RNF34: variants seen among roughly 807,000 people sequenced by gnomAD.
RNF34 encodes ring finger protein 34.
A neutral mutation model predicts 37.9 loss-of-function variants in RNF34; 12 were observed. The observed-to-expected ratio is 0.32, with a 90% CI of 0.20 to 0.51. The LOEUF is 0.51. Among genes scored for constraint, RNF34 ranks in the 20% least tolerant of loss-of-function variants. The probability of loss-of-function intolerance (pLI) is 0.97; values close to 1 mark genes in which losing one functional copy is unlikely to be tolerated. For missense variants in RNF34, 362 were observed against 472.7 expected, an observed-to-expected ratio of 0.77 and a Z score of 2.17; for synonymous variants, 155 against 177.2, an observed-to-expected ratio of 0.87 and a Z score of 1.00.
intron 3 of RNF34, chr12:121,418,130 A>G (rs1871747586): frequency 5.4e-6 from 3 of 557,960 alleles, no homozygotes; most frequent in African/African-American, 3.8e-5. Context: ...AAGGGTCCCA[A>G]AATAGCTCAT....
rs906685103 is a variant in RNF34, at chr12:121,417,172, A to T, written c.226-332A>T. Reference sequence around the variant, plus strand: ...ATTGTTCATGTAGGAAAAGACCAGGAAGTGTGATTCTGCTTTCTGCTCTGT... The same window carrying T: ...ATTGTTCATGTAGGAAAAGACCAGGTAGTGTGATTCTGCTTTCTGCTCTGT... On this transcript the variant is annotated intron_variant, in intron 2 of 5. Coordinates refer to ENST00000361234, the MANE Select transcript of RNF34 (RefSeq NM_025126.4). The surrounding 1 kb of genome is among the most constrained non-coding windows in gnomAD (Gnocchi z 5.0). Among the ~76,000 whole-genome samples, 1 of 152,212 alleles carries T rather than the reference A, an allele frequency of 6.6e-6. No individual in the cohort carries two copies. The highest frequency in any genetic ancestry group is 2.1e-4 in the South Asian group (1 of 4,832).
intron 2 of RNF34, 159 bp downstream of exon 2, chr12:121,416,536 G>A (rs1871590600): frequency 3.3e-6 from 2 of 600,362 alleles, no homozygotes; most frequent in East Asian, 2.8e-5. Flanking sequence ...TAATTGGAGG[G>A]ATTATATTAC....
At position 121,423,888 on chromosome 12, in the gene RNF34, CTG is replaced by C; in HGVS notation, c.*314_*315del. On this transcript the variant is annotated 3_prime_UTR_variant, in exon 6 of 6. Transcript: ENST00000361234. The surrounding 1 kb of genome is among the most constrained non-coding windows in gnomAD (Gnocchi z 4.3). Reference sequence around the variant, plus strand: ...CTGCTGTCTTGGGAGGACACTTATCCTGTTCTCTTATTTCCCCTTCATCCTAT... The same window carrying C: ...CTGCTGTCTTGGGAGGACACTTATCCTTCTCTTATTTCCCCTTCATCCTAT... 2 of 284,550 alleles carry C rather than the reference CTG, an allele frequency of 7.0e-6. No homozygotes were observed. The highest frequency in any genetic ancestry group is 1.3e-5 in the Non-Finnish European group (2 of 150,300). The allele number at this position is 284,550 out of a possible 1,614,324, so 17.6% of individuals were successfully genotyped here. A position where few individuals can be genotyped will look rare whatever the true frequency, so the allele number is the denominator to read the frequency against.
At chr12:121,401,091 G>C (rs1221439387) in intron 1 of RNF34, among the ~76,000 whole-genome samples, 1 of 152,034 alleles carries the variant, frequency 6.6e-6, no homozygotes, top group Non-Finnish European at 1.5e-5. Context: ...CTGGGGGTGG[G>C]TAATCTAGCA....
intron 3 of RNF34, among the ~76,000 whole-genome samples, chr12:121,419,580 G>A (rs1485933302): frequency 7.2e-6 from 1 of 139,478 alleles, no homozygotes; most frequent in East Asian, 2.1e-4. Context: ...GGCAATCAGG[G>A]TGGAATATTT....
At chr12:121,401,400 A>G (rs998401075) in intron 1 of RNF34, among the ~76,000 whole-genome samples, 4 of 151,144 alleles carry the variant, frequency 2.6e-5, no homozygotes, top group African/African-American at 9.7e-5. Context: ...CAGGAGCCAG[A>G]AAGGATACTT....
rs200116682 is a variant in RNF34, at chr12:121,417,549, G to A, written c.271G>A (p.Val91Ile). 1 of 1,614,144 alleles carries A rather than the reference G, an allele frequency of 6.2e-7. No homozygotes were observed. The highest frequency in any genetic ancestry group is 8.5e-7 in the Non-Finnish European group (1 of 1,179,990). Residue 91 changes from valine (V) to isoleucine (I), a missense_variant, in exon 3 of 6, where the codon GTC becomes ATC. Physicochemically the swap from Val to Ile is conservative, Grantham distance 29. Transcript: ENST00000361234. The surrounding 1 kb of genome is among the most constrained non-coding windows in gnomAD (Gnocchi z 5.0). Reference protein sequence around the residue: ...CKKDFCSVCSVLQENLRRCST... With the variant: ...CKKDFCSVCSILQENLRRCST... ...GAAGGATTTTTGCTCCGTTTGTTCA[G>A]TCTTACAAGAAAATCTCCGTAGATG...
Position 121,416,190 on chromosome 12 carries a change from G to A in RNF34, c.38G>A (p.Cys13Tyr), listed in dbSNP as rs781926683. The A allele has an allele frequency of 1.2e-6, 2 of 1,613,970 alleles. No homozygotes were observed. Among genetic ancestry groups the A allele is most frequent in the Non-Finnish European group, 1.7e-6 (2 of 1,180,022 alleles). ...GCCACGTCTATGTGGGCTTCGTGCTGTGGGCTGCTGAATGAAGTCATGGGA... is the reference window on the plus strand; with the variant it reads ...GCCACGTCTATGTGGGCTTCGTGCTATGGGCTGCTGAATGAAGTCATGGGA... The part of the protein sequence containing the change: ...AGATSMWASC[C>Y]GLLNEVMGTG... The change falls in exon 2 of 6, where the codon TGT (cysteine) becomes TAT (tyrosine). Residue 13 changes from cysteine to tyrosine, a missense_variant. Transcript: ENST00000361234.
rs564742373 is a variant in RNF34, at chr12:121,400,341, A to AG, written c.6+129dup. 2.9e-3 allele frequency: 3,486 copies of AG among 1,211,424 alleles called. 11 individuals are homozygous for AG. The highest frequency in any genetic ancestry group is 3.5e-3 in the Non-Finnish European group (3,146 of 886,200). The allele number at this position is 1,211,424 out of a possible 1,614,324, so 75.0% of individuals were successfully genotyped here. Reference sequence around the variant, plus strand: ...GTCGTCATCTCGGAGAGCTGCGCTGAGGGGGGTCGCTTGCCCGGCTTCAGG... The same window carrying AG: ...GTCGTCATCTCGGAGAGCTGCGCTGAGGGGGGGTCGCTTGCCCGGCTTCAGG... On this transcript the variant is annotated intron_variant, in intron 1 of 5. Coordinates refer to ENST00000361234, the MANE Select transcript of RNF34 (RefSeq NM_025126.4).
intron 1 of RNF34, among the ~76,000 whole-genome samples, chr12:121,401,760 G>T (rs997845544): frequency 6.6e-6 from 1 of 152,178 alleles, no homozygotes; most frequent in African/African-American, 2.4e-5. Flanking sequence ...GAAAACAGAC[G>T]TGTGTTTTGA....
At chr12:121,415,315 G>T in intron 1 of RNF34, 1 of 378,474 alleles carries the variant, frequency 2.6e-6, no homozygotes, top group South Asian at 1.9e-5. Context: ...GAGGTTTAAG[G>T]AAATGAAGTA....
At chr12:121,414,712 G>C (rs1157970630) in intron 1 of RNF34, among the ~76,000 whole-genome samples, 1 of 151,874 alleles carries the variant, frequency 6.6e-6, no homozygotes, top group Non-Finnish European at 1.5e-5. Context: ...TCGCTCTGTC[G>C]CCCAGCCTGG....
intron 1 of RNF34, 116 bp downstream of exon 1, chr12:121,400,334 T>C: frequency 1.6e-6 from 2 of 1,266,986 alleles, no homozygotes; most frequent in Non-Finnish European, 2.2e-6. Context: ...CTCGGAGAGC[T>C]GCGCTGAGGG....
chr12:121,413,309 A>T (rs1401001270), intron 1 of RNF34, among the ~76,000 whole-genome samples: 1 of 151,982 alleles, frequency 6.6e-6, no homozygotes, highest in East Asian at 1.9e-4. Context: ...TTACAGGCAT[A>T]AGCCACTGAG....
chr12:121,415,301 A>T (rs1555281987), intron 1 of RNF34: 3 of 383,960 alleles, frequency 7.8e-6, no homozygotes, highest in Non-Finnish European at 1.7e-5. Context: ...CAAATGCGAA[A>T]ACAGAGGTTT....
At chr12:121,402,889 G>C (rs1870134216) in intron 1 of RNF34, 1 of 1,068,904 alleles carries the variant, frequency 9.4e-7, no homozygotes, top group Non-Finnish European at 1.4e-6. Context: ...TTACATTTTA[G>C]AGTTCATCAT....
chr12:121,421,371 T>TACAAAAAAAAA lies in RNF34; in HGVS notation c.928+594_928+595insCAAAAAAAAAA, dbSNP rs35925457. ...GGGCAACATAGAGAGATCCCATCTC[T>TACAAAAAAAAA]AAAAAAAAAAAAAAAAAAAAAAAAA... On this transcript the variant is annotated intron_variant, in intron 5 of 5. Coordinates refer to ENST00000361234, the MANE Select transcript of RNF34 (RefSeq NM_025126.4). 8.6e-5 allele frequency among the ~76,000 whole-genome samples: 4 copies of TACAAAAAAAAA among 46,368 alleles called. 1 individual carries two copies. The highest frequency in any genetic ancestry group is 2.7e-4 in the African/African-American group (4 of 14,724). The allele number at this position is 46,368 out of a possible 152,430, so 30.4% of individuals were successfully genotyped here.
chr12:121,416,404 A>T, intron 2 of RNF34, 27 bp downstream of exon 2: 3 of 1,413,820 alleles, frequency 2.1e-6, no homozygotes, highest in Non-Finnish European at 3.0e-6. Context: ...GTTACATAAC[A>T]ACACACATGG....
At chr12:121,413,434 C>A (rs527905830) in intron 1 of RNF34, among the ~76,000 whole-genome samples, 4 of 100,800 alleles carry the variant, frequency 4.0e-5, no homozygotes, top group African/African-American at 6.1e-5. Flanking sequence ...TTTTTTGAGA[C>A]GGAGTTTTGC....
Sources: gnomAD v4.1 joint callset for allele counts (sites outside exome capture counted in the v4.1 genomes callset) on GRCh38, gnomAD v4.1.1 for gene constraint, Gnocchi (gnomAD v3.1) non-coding constraint, MANE v1.5 for transcripts, NCBI Gene and HGNC (gene_info 2026-07-23, HGNC 2026-07-21) for gene names.